The following TENM3 variants were observed in gnomAD, a reference collection of about 807,000 sequenced individuals.
TENM3 encodes the protein teneurin-3.
Under a neutral mutation model 255.1 loss-of-function variants are expected in TENM3, and 63 were observed. The ratio of observed to expected loss-of-function variants is 0.25; its 90% CI spans 0.20 to 0.30. The LOEUF (loss-of-function observed/expected upper bound fraction) is 0.30, where lower values mean the gene tolerates loss of function less well. Among genes scored for constraint, TENM3 ranks in the 10% least tolerant of loss-of-function variants. The pLI, the probability that TENM3 is intolerant of heterozygous loss-of-function variation, is 1.00. For missense variants in TENM3, 2,929 were observed against 3,461.1 expected (o/e 0.85, Z 3.86); for synonymous variants, 1,306 against 1,322.3 (o/e 0.99, Z 0.27).
At chr4:182,650,493 C>G (rs1753157299) in intron 5 of TENM3, among the ~76,000 whole-genome samples, 1 of 150,060 alleles carries the variant, frequency 6.7e-6, no homozygotes, top group Non-Finnish European at 1.5e-5. Flanking sequence ...CGAATTTTCC[C>G]TTTTTTTCTG....
intron 7 of TENM3, among the ~76,000 whole-genome samples, chr4:182,678,670 A>G (rs1408291013): frequency 6.6e-6 from 1 of 152,196 alleles, no homozygotes; most frequent in African/African-American, 2.4e-5. Flanking sequence ...GTAAAGTGCA[A>G]ATGTTAAAGC....
intron 12 of TENM3, among the ~76,000 whole-genome samples, chr4:182,706,309 T>C (rs1388851954): frequency 6.6e-6 from 1 of 152,228 alleles, no homozygotes; most frequent in African/African-American, 2.4e-5. Flanking sequence ...GCCTCATTTG[T>C]GAAATAAGGG....
chr4:182,305,185 G>C (rs913921074), intron 1 of TENM3, among the ~76,000 whole-genome samples: 6 of 151,614 alleles, frequency 4.0e-5, no homozygotes, highest in African/African-American at 1.2e-4. Flanking sequence ...GTATAGAAGA[G>C]GACATGGTCA....
the TENM3 span, among the ~76,000 whole-genome samples, chr4:181,781,404 C>T: frequency 6.6e-6 from 1 of 152,196 alleles, no homozygotes; most frequent in South Asian, 2.1e-4. Context: ...GGAATTCACT[C>T]ATTATTTGGC....
intron 17 of TENM3, 61 bp from the exon 18 acceptor site, chr4:182,738,340 A>T: frequency 6.8e-7 from 1 of 1,467,950 alleles, no homozygotes; most frequent in Non-Finnish European, 9.1e-7. Context: ...TCCAAGTAAG[A>T]AAATAAATTG....
chr4:181,880,027 G>C, the TENM3 span, among the ~76,000 whole-genome samples: 1 of 152,034 alleles, frequency 6.6e-6, no homozygotes. Flanking sequence ...ATTTTCATTT[G>C]CATTGCCCTT....
At chr4:182,512,701 G>A (rs1344108866) in intron 3 of TENM3, among the ~76,000 whole-genome samples, 2 of 152,170 alleles carry the variant, frequency 1.3e-5, no homozygotes, top group Non-Finnish European at 2.9e-5. Flanking sequence ...GTGATATCCA[G>A]ATAGTCGTGA....
At chr4:181,975,135 C>CTTTTTTT in the TENM3 span, 1 of 119,330 alleles carries the variant, frequency 8.4e-6, no homozygotes, top group Non-Finnish European at 1.7e-5. Flanking sequence ...TGGAGTAGCT[C>CTTTTTTT]TTTTTTTTTT....
the TENM3 span, among the ~76,000 whole-genome samples, chr4:182,008,492 A>G: frequency 0.03 from 4,529 of 151,850 alleles, 208 homozygotes; most frequent in African/African-American, 0.1. Flanking sequence ...CTGGTCTTCA[A>G]ACTCTGATAT....
chr4:182,457,618 C>CATGAA (rs1413097483), intron 3 of TENM3, among the ~76,000 whole-genome samples: 1 of 139,936 alleles, frequency 7.1e-6, no homozygotes, highest in Non-Finnish European at 1.5e-5. Flanking sequence ...AGTGCATTGG[C>CATGAA]ATGAACACGG....
the TENM3 span, among the ~76,000 whole-genome samples, chr4:181,743,084 C>G: frequency 4.0e-5 from 6 of 151,774 alleles, no homozygotes; most frequent in Non-Finnish European, 5.9e-5. Context: ...CATTGTTGGA[C>G]ATTTGGGTTG....
At chr4:182,215,894 G>A (rs1265173125) in intron 1 of TENM3, among the ~76,000 whole-genome samples, 1 of 152,034 alleles carries the variant, frequency 6.6e-6, no homozygotes, top group Non-Finnish European at 1.5e-5. Context: ...ATGAAAACTC[G>A]CCTTTGGAAG....
the TENM3 span, among the ~76,000 whole-genome samples, chr4:182,076,238 CAG>C: frequency 8.1e-6 from 1 of 123,054 alleles, no homozygotes; most frequent in Non-Finnish European, 1.6e-5. Flanking sequence ...TTTTTTGAGA[CAG>C]AGTCTTGCTC....
chr4:182,491,469 A>G (rs1257743260), intron 3 of TENM3, among the ~76,000 whole-genome samples: 1 of 152,082 alleles, frequency 6.6e-6, no homozygotes, highest in Non-Finnish European at 1.5e-5. Context: ...TTTTTGATTA[A>G]TTTATATAAA....
At chr4:181,556,014 G>A in the TENM3 span, among the ~76,000 whole-genome samples, 1 of 152,068 alleles carries the variant, frequency 6.6e-6, no homozygotes, top group African/African-American at 2.4e-5. Flanking sequence ...AAAGCATTCA[G>A]GTCAAAAAAT....
intron 4 of TENM3, among the ~76,000 whole-genome samples, chr4:182,615,308 C>G (rs1484175422): frequency 1.3e-5 from 2 of 151,622 alleles, no homozygotes; most frequent in Non-Finnish European, 2.9e-5. Flanking sequence ...AAAAACTACC[C>G]CAGCCAGAAA....
At chr4:181,898,911 A>G in the TENM3 span, among the ~76,000 whole-genome samples, 2 of 152,164 alleles carry the variant, frequency 1.3e-5, no homozygotes, top group Non-Finnish European at 2.9e-5. Context: ...AAAAAAGAAC[A>G]TTCTGCTGAA....
chr4:182,168,472 C>T (rs1266461677), intron 1 of TENM3, among the ~76,000 whole-genome samples: 2 of 152,158 alleles, frequency 1.3e-5, no homozygotes, highest in Non-Finnish European at 2.9e-5. Context: ...AACTAGCCTT[C>T]GTTTTCTCCA....
chr4:182,059,763 GAAAAA>G, the TENM3 span, among the ~76,000 whole-genome samples: 1 of 86,630 alleles, frequency 1.2e-5, no homozygotes, highest in Admixed American at 1.2e-4. Context: ...AAAAAAAAAA[GAAAAA>G]AAAAAAAAAG....
Sources: allele counts gnomAD v4.1 joint callset (sites outside exome capture counted in the v4.1 genomes callset), GRCh38; gene constraint gnomAD v4.1.1; transcripts MANE v1.5; gene names NCBI Gene and HGNC (gene_info 2026-07-23, HGNC 2026-07-21).